Variants in MAP3K13 observed in about 807,000 individuals in gnomAD.
The protein encoded by MAP3K13 is leucine zipper-bearing kinase.
Under a neutral mutation model 104.0 loss-of-function variants are expected in MAP3K13, and 52 were observed. That is an observed-to-expected ratio of 0.50 (90% CI 0.40 to 0.63). The LOEUF is 0.63. Ranked by LOEUF, MAP3K13 falls within the 20% of genes least tolerant of loss-of-function variation. The pLI, the probability that MAP3K13 is intolerant of heterozygous loss-of-function variation, is 0.00. For missense variants in MAP3K13, 914 were observed against 1,218.5 expected, an observed-to-expected ratio of 0.75 and a Z score of 3.72; for synonymous variants, 394 against 442.2, an observed-to-expected ratio of 0.89 and a Z score of 1.37.
intron 7 of MAP3K13, among the ~76,000 whole-genome samples, chr3:185,461,607 G>C (rs185000102): frequency 6.6e-6 from 1 of 151,926 alleles, no homozygotes; most frequent in African/African-American, 2.4e-5. Flanking sequence ...TTGTTGCCCA[G>C]GCTGGAGTGC....
chr3:185,357,460 A>AAAAAAAG (rs1723414291), intron 2 of MAP3K13, among the ~76,000 whole-genome samples: 1 of 151,118 alleles, frequency 6.6e-6, no homozygotes, highest in African/African-American at 2.4e-5. Context: ...AAAAAAAAAA[A>AAAAAAAG]AAAAAAAGAA....
intron 2 of MAP3K13, among the ~76,000 whole-genome samples, chr3:185,352,833 G>A (rs1181192599): frequency 6.6e-6 from 1 of 152,154 alleles, no homozygotes; most frequent in African/African-American, 2.4e-5. Flanking sequence ...TACCTGTACA[G>A]CTTTAATTCT....
In MAP3K13 at chr3:185,395,357, C is replaced by CTTTTTTTTT. The variant is rs770336517; in HGVS notation, c.-86+32000_-86+32008dup. On this transcript the variant is annotated intron_variant, in intron 1 of 13. Transcript: ENST00000265026. ...AGGCATTTCTAATTCAATATTATTT[C>CTTTTTTTTT]TTTTTTTTTTTTTTTTTTTGAGACG... is the stretch of plus-strand genomic sequence containing the variant. Among the ~76,000 whole-genome samples, 39 of 69,978 alleles carry CTTTTTTTTT rather than the reference C, an allele frequency of 5.6e-4. 4 individuals are homozygous for CTTTTTTTTT. The highest frequency in any genetic ancestry group is 2.1e-3 in the East Asian group (4 of 1,874). 45.9% of individuals were successfully genotyped at this position (69,978 alleles called of 152,430 possible).
At chr3:185,377,180 G>T (rs1204254303) in intron 1 of MAP3K13, among the ~76,000 whole-genome samples, 4 of 152,188 alleles carry the variant, frequency 2.6e-5, no homozygotes, top group African/African-American at 9.7e-5. Context: ...TTTTGGACAG[G>T]TAAAATGGGG....
chr3:185,414,814 AC>A (rs1159590897), intron 1 of MAP3K13, among the ~76,000 whole-genome samples: 4 of 152,204 alleles, frequency 2.6e-5, no homozygotes, highest in Non-Finnish European at 4.4e-5. Context: ...GTCCAACTAA[AC>A]AATCCAAATA....
intron 2 of MAP3K13, among the ~76,000 whole-genome samples, chr3:185,300,378 G>A (rs548041116): frequency 1.3e-5 from 2 of 151,624 alleles, no homozygotes; most frequent in East Asian, 1.9e-4. Flanking sequence ...AGTAGAGATG[G>A]GGTTTCACTT....
Position 185,394,591 on chromosome 3 carries a change from C to T in MAP3K13, c.-86+31223C>T, listed in dbSNP as rs146654496. On this transcript the variant is annotated intron_variant, in intron 1 of 13. Coordinates refer to ENST00000265026, the MANE Select transcript of MAP3K13 (RefSeq NM_004721.5). ...TACATAACTATTCCAGGGTATACTA[C>T]GTAAGTATACCAGTTCTTATTACTC... Among the ~76,000 whole-genome samples the T allele has an allele frequency of 1.7e-3, 257 of 152,228 alleles. 3 individuals carry two copies. Among genetic ancestry groups the T allele is most frequent in the Non-Finnish European group, 7.2e-4 (49 of 68,012 alleles).
chr3:185,390,872 C>T (rs1712009477), intron 1 of MAP3K13, among the ~76,000 whole-genome samples: 1 of 152,056 alleles, frequency 6.6e-6, no homozygotes. Flanking sequence ...CGGCCTGCCT[C>T]GGCCTCACAA....
chr3:185,399,679 GA>G (rs1712673865), intron 1 of MAP3K13, among the ~76,000 whole-genome samples: 1 of 104,788 alleles, frequency 9.5e-6, no homozygotes, highest in African/African-American at 3.8e-5. Flanking sequence ...AGGAAGGAAG[GA>G]AGGAAGGAAG....
intron 2 of MAP3K13, among the ~76,000 whole-genome samples, chr3:185,313,742 A>AG (rs1038545298): frequency 4.7e-5 from 6 of 127,614 alleles, no homozygotes; most frequent in Non-Finnish European, 8.2e-5. Flanking sequence ...GGTGAAAAAA[A>AG]AAAAGAAGGG....
At position 185,423,347 on chromosome 3, in the gene MAP3K13, C is replaced by T. The variant is rs12490248; in HGVS notation, c.-85-5150C>T. On this transcript the variant is annotated intron_variant, in intron 1 of 13. Transcript: ENST00000265026. This position sits in a 1 kb window ranked among gnomAD's most constrained non-coding sequence, Gnocchi z 4.1. ...AAGAGTCCTGGCAGCCAAGGCAGAC[C>T]GGAAGTAACTGCTGAGTCACTGGCT... Among the ~76,000 whole-genome samples, 4 of 152,052 alleles carry T rather than the reference C, an allele frequency of 2.6e-5. No individual in the cohort carries two copies. The highest frequency in any genetic ancestry group is 6.5e-5 in the Admixed American group (1 of 15,272).
Position 185,447,474 on chromosome 3 carries a change from G to A in MAP3K13, c.852-315G>A, listed in dbSNP as rs150745151. Among the ~76,000 whole-genome samples, 101 of 128,400 alleles carry A rather than the reference G, an allele frequency of 7.9e-4. 1 individual carries two copies. In the East Asian group the frequency reaches 0.022, roughly 28 times the overall value. The allele number at this position is 128,400 out of a possible 152,430, so 84.2% of individuals were successfully genotyped here. ...GTGCCATTGCACTCCAGCCTGGGCGGCAAGAGTGAAACTCTGTCTCAAAAA... is the reference window on the plus strand; with the variant it reads ...GTGCCATTGCACTCCAGCCTGGGCGACAAGAGTGAAACTCTGTCTCAAAAA... On this transcript the variant is annotated intron_variant, in intron 4 of 13. Coordinates refer to ENST00000265026, the MANE Select transcript of MAP3K13 (RefSeq NM_004721.5).
At position 185,364,882 on chromosome 3, in the gene MAP3K13, T is replaced by G. The variant is rs139521637; in HGVS notation, c.-86+1514T>G. Among the ~76,000 whole-genome samples the G allele has an allele frequency of 5.5e-3, 834 of 152,330 alleles. 6 individuals carry two copies. The highest frequency in any genetic ancestry group is 0.018 in the African/African-American group (753 of 41,576). On this transcript the variant is annotated intron_variant, in intron 1 of 13. Coordinates refer to ENST00000265026, the MANE Select transcript of MAP3K13 (RefSeq NM_004721.5). Reference sequence around the variant, plus strand: ...CATAATATTTGTAAACATCTTGACTTATTTCAGCATTTTCCTTTTTTGTAT... The same window carrying G: ...CATAATATTTGTAAACATCTTGACTGATTTCAGCATTTTCCTTTTTTGTAT...
chr3:185,300,189 C>CT (rs1273008667), intron 2 of MAP3K13, among the ~76,000 whole-genome samples: 2,533 of 123,374 alleles, frequency 0.021, 50 homozygotes, highest in African/African-American at 0.053. Context: ...TCCTTCTTTT[C>CT]TTTTTTTTTT....
intron 3 of MAP3K13, among the ~76,000 whole-genome samples, chr3:185,440,056 C>A (rs1715242015): frequency 6.6e-6 from 1 of 152,172 alleles, no homozygotes; most frequent in Admixed American, 6.6e-5. Context: ...TCTGTGCTTA[C>A]AGCTTCTTTT....
In MAP3K13 at chr3:185,473,554, G is replaced by A. The variant is rs1347624539; in HGVS notation, c.2223G>A (p.Gly741=). The A allele has an allele frequency of 6.2e-7, 1 of 1,614,058 alleles. No homozygotes were observed. The highest frequency in any genetic ancestry group is 8.5e-7 in the Non-Finnish European group (1 of 1,180,044). ...TTCAGTGCAGGCCAGAACAGTATGG[G>A]TCCTTAGACATACCCTCTGCTGAGC... is the stretch of plus-strand genomic sequence containing the variant. ...PCLQCRPEQY[G]SLDIPSAEPV... Residue 741 remains glycine, a synonymous_variant, in exon 11 of 14, where the codon GGG becomes GGA. Coordinates refer to ENST00000265026, the MANE Select transcript of MAP3K13 (RefSeq NM_004721.5). The surrounding 1 kb of genome is among the most constrained non-coding windows in gnomAD (Gnocchi z 4.9).
chr3:185,321,106 A>C (rs898803075), intron 2 of MAP3K13, among the ~76,000 whole-genome samples: 2 of 151,514 alleles, frequency 1.3e-5, no homozygotes, highest in Admixed American at 1.3e-4. Flanking sequence ...GCGTGCACAC[A>C]CATATGCGTG....
chr3:185,431,071 C>T (rs1295131141), intron 2 of MAP3K13, among the ~76,000 whole-genome samples: 5 of 152,118 alleles, frequency 3.3e-5, no homozygotes, highest in Non-Finnish European at 5.9e-5. Context: ...TTCAAACAAC[C>T]AGATCTCGTG....
intron 7 of MAP3K13, among the ~76,000 whole-genome samples, chr3:185,453,095 G>C (rs972522286): frequency 6.6e-6 from 1 of 152,156 alleles, no homozygotes; most frequent in South Asian, 2.1e-4. Context: ...GGATAAGGGG[G>C]TGGTGAGAGA....
Sources: allele counts gnomAD v4.1 joint callset (sites outside exome capture counted in the v4.1 genomes callset), GRCh38; gene constraint gnomAD v4.1.1; non-coding constraint Gnocchi (gnomAD v3.1); transcripts MANE v1.5; gene names NCBI Gene and HGNC (gene_info 2026-07-23, HGNC 2026-07-21).